Variants in ORC3 observed in about 807,000 individuals in gnomAD.
ORC3 encodes homolog of latheo, Drosophila.
In ORC3, 78 loss-of-function variants were observed where a neutral mutation model predicts 100.7. The ratio of observed to expected loss-of-function variants is 0.77; its 90% CI spans 0.65 to 0.94. ORC3 has a LOEUF of 0.94. ORC3 is among the 40% of genes least tolerant of loss of function. ORC3 has a pLI of 0.00. For synonymous variants in ORC3, 295 were observed against 289.3 expected, an observed-to-expected ratio of 1.02 and a Z score of -0.20; for missense variants, 789 against 823.9, an observed-to-expected ratio of 0.96 and a Z score of 0.52.
intron 16 of ORC3, among the ~76,000 whole-genome samples, chr6:87,658,657 A>G (rs1409946690): frequency 6.6e-6 from 1 of 152,162 alleles, no homozygotes; most frequent in Non-Finnish European, 1.5e-5. Flanking sequence ...ATTACACTTT[A>G]TCTTTGCTAG....
downstream of ORC3, among the ~76,000 whole-genome samples, chr6:87,669,202 A>G (rs905466836): frequency 6.6e-6 from 1 of 152,186 alleles, no homozygotes; most frequent in Non-Finnish European, 1.5e-5. Flanking sequence ...ATCTCAAAAA[A>G]TGTCAAAATG....
intron 2 of ORC3, among the ~76,000 whole-genome samples, chr6:87,598,006 A>G (rs1777592955): frequency 6.6e-6 from 1 of 152,136 alleles, no homozygotes; most frequent in African/African-American, 2.4e-5. Context: ...AGTTGTTAAT[A>G]TTTCTTGGAT....
At chr6:87,606,559 C>T (rs1034791046) in intron 5 of ORC3, among the ~76,000 whole-genome samples, 1 of 150,992 alleles carries the variant, frequency 6.6e-6, no homozygotes, top group Non-Finnish European at 1.5e-5. Flanking sequence ...GAGACAGGGT[C>T]TCACTCTGTT....
chr6:87,623,221 TA>T (rs1333494099), intron 11 of ORC3, among the ~76,000 whole-genome samples: 5 of 152,250 alleles, frequency 3.3e-5, no homozygotes, highest in Admixed American at 2.0e-4. Flanking sequence ...TGGCTTTTAT[TA>T]AACATTATTT....
chr6:87,632,624 A>T (rs1767514327), intron 11 of ORC3, among the ~76,000 whole-genome samples: 1 of 152,174 alleles, frequency 6.6e-6, no homozygotes, highest in African/African-American at 2.4e-5. Context: ...GCACTTTGGG[A>T]GGCTGAGGTG....
intron 7 of ORC3, among the ~76,000 whole-genome samples, chr6:87,610,973 G>C (rs1778720293): frequency 8.4e-6 from 1 of 118,470 alleles, no homozygotes; most frequent in African/African-American, 3.3e-5. Context: ...GTCTGGCTCT[G>C]TCACCCAGGC....
intron 7 of ORC3, among the ~76,000 whole-genome samples, chr6:87,611,097 C>T (rs1562331851): frequency 6.6e-6 from 1 of 151,614 alleles, no homozygotes; most frequent in Non-Finnish European, 1.5e-5. Flanking sequence ...CCACCATGCC[C>T]GGCTAATTTT....
Position 87,605,971 on chromosome 6 carries a change from A to G in ORC3, c.377A>G (p.Gln126Arg), listed in dbSNP as rs2307371. 3,600 of 1,610,876 alleles carry G rather than the reference A, an allele frequency of 2.2e-3. 49 individuals carry two copies. The African/African-American group carries it at 0.033, about 15-fold the overall frequency. Residue 126 changes from glutamine (Q) to arginine (R), a missense_variant, in exon 5 of 20, where the codon CAG becomes CGG. Physicochemically the swap from Gln to Arg is conservative, Grantham distance 43. Transcript: ENST00000392844. ...LTFGSLTEAL[Q>R]NNVTPYVVSL... The stretch of plus-strand genomic sequence containing the variant: ...TTCGGAAGTCTAACAGAGGCCCTTC[A>G]GAATAATGTCACACCATATGTAGTC...
intron 13 of ORC3, among the ~76,000 whole-genome samples, chr6:87,646,723 C>G (rs1323185438): frequency 6.6e-6 from 1 of 152,214 alleles, no homozygotes; most frequent in African/African-American, 2.4e-5. Context: ...TTTACATTCT[C>G]CTTTAGTGCT....
chr6:87,607,155 G>A (rs1011961062), intron 5 of ORC3, among the ~76,000 whole-genome samples: 4 of 152,108 alleles, frequency 2.6e-5, no homozygotes, highest in African/African-American at 9.7e-5. Context: ...AAATGGCTGG[G>A]AGCAGTGTTT....
chr6:87,614,991 A>G (rs767752497), intron 8 of ORC3, among the ~76,000 whole-genome samples: 3 of 152,094 alleles, frequency 2.0e-5, no homozygotes, highest in Non-Finnish European at 4.4e-5. Context: ...ACTGGTACCA[A>G]TTTACTGTAT....
intron 2 of ORC3, among the ~76,000 whole-genome samples, chr6:87,598,014 G>A (rs1220611804): frequency 6.6e-6 from 1 of 151,998 alleles, no homozygotes; most frequent in African/African-American, 2.4e-5. Flanking sequence ...ATATTTCTTG[G>A]ATGTTTACAG....
At chr6:87,594,618 G>T in intron 2 of ORC3, 1 of 1,196,208 alleles carries the variant, frequency 8.4e-7, no homozygotes, top group African/African-American at 1.6e-5. Flanking sequence ...CCAAAGGTAA[G>T]TTGGAAGCAA....
chr6:87,623,175 T>A (rs993279277), intron 11 of ORC3, among the ~76,000 whole-genome samples: 1 of 152,220 alleles, frequency 6.6e-6, no homozygotes, highest in Non-Finnish European at 1.5e-5. Context: ...CATTGGTAAT[T>A]TATGCCCATT....
chr6:87,604,857 A>G (rs1464337673), intron 4 of ORC3, among the ~76,000 whole-genome samples: 1 of 152,188 alleles, frequency 6.6e-6, no homozygotes, highest in Non-Finnish European at 1.5e-5. Context: ...CTAGAAAAAA[A>G]AAATGGTTTA....
At chr6:87,595,789 A>C (rs1157628670) in intron 2 of ORC3, among the ~76,000 whole-genome samples, 3 of 152,112 alleles carry the variant, frequency 2.0e-5, no homozygotes, top group African/African-American at 7.2e-5. Context: ...TCACACACTC[A>C]TATACCCATG....
At chr6:87,662,889 T>C (rs1377268526) in intron 16 of ORC3, 114 bp from the exon 17 acceptor site, 1 of 553,286 alleles carries the variant, frequency 1.8e-6, no homozygotes, top group African/African-American at 2.0e-5. Context: ...TTGACAAAAA[T>C]GTTATAGTGA....
intron 2 of ORC3, among the ~76,000 whole-genome samples, chr6:87,599,884 A>G (rs1193431467): frequency 2.6e-5 from 4 of 152,104 alleles, no homozygotes; most frequent in Non-Finnish European, 2.9e-5. Context: ...GAGGCAGGAG[A>G]ATCACTTGGA....
chr6:87,623,612 G>A (rs74765894), intron 11 of ORC3, among the ~76,000 whole-genome samples: 86 of 152,282 alleles, frequency 5.6e-4, no homozygotes, highest in Middle Eastern at 3.4e-3. Context: ...GGTCAGGCAC[G>A]GTGGCTCACG....
Sources: allele counts gnomAD v4.1 joint callset (sites outside exome capture counted in the v4.1 genomes callset), GRCh38; gene constraint gnomAD v4.1.1; transcripts MANE v1.5; gene names NCBI Gene and HGNC (gene_info 2026-07-23, HGNC 2026-07-21).